NRG3: variants seen among roughly 807,000 people sequenced by gnomAD.
NRG3 encodes neuregulin 3.
A neutral mutation model predicts 66.9 loss-of-function variants in NRG3; 31 were observed. The ratio of observed to expected loss-of-function variants is 0.46; its 90% CI spans 0.35 to 0.63. The LOEUF is 0.63. NRG3 is among the 20% of genes least tolerant of loss of function. The pLI is 0.00. For missense variants in NRG3, 910 were observed against 878.9 expected (o/e 1.04, Z -0.45); for synonymous variants, 393 against 359.4 (o/e 1.09, Z -1.06).
chr10:82,360,078 A>G (rs1225328527), intron 2 of NRG3, among the ~76,000 whole-genome samples: 1 of 152,198 alleles, frequency 6.6e-6, no homozygotes, highest in Non-Finnish European at 1.5e-5. Context: ...CACCCCTGAC[A>G]TGTGGTGTTC....
rs535584673 is a variant in NRG3 at position 82,158,668 on chromosome 10, T to TA, written c.824-200070dup. ...TTTATTGTCAAATAAACTCTCCTCT[T>TA]ACACTGTTTTGAGATCATTCCTTTG... On this transcript the variant is annotated intron_variant, in intron 1 of 8. Coordinates refer to ENST00000372141, the MANE Select transcript of NRG3 (RefSeq NM_001010848.4). Among the ~76,000 whole-genome samples the TA allele has an allele frequency of 5.1e-4, 77 of 151,982 alleles. 1 individual carries two copies. In the South Asian group the frequency reaches 0.016, roughly 31 times the overall value.
intron 4 of NRG3, among the ~76,000 whole-genome samples, chr10:82,947,685 TG>T (rs1849148364): frequency 6.6e-6 from 1 of 152,148 alleles, no homozygotes; most frequent in African/African-American, 2.4e-5. Flanking sequence ...TGAACAATGT[TG>T]GGTATCTTTT....
rs542789756 is a variant in NRG3, at chr10:82,572,773, A to G, written c.954-165804A>G. On this transcript the variant is annotated intron_variant, in intron 2 of 8. Transcript: ENST00000372141. ...TCTCAGCTGAAACCAGTACTTTAGT[A>G]AGAGTGCTAGCTGCTTAACAAGTCA... Among the ~76,000 whole-genome samples, 29 of 151,916 alleles carry G rather than the reference A, an allele frequency of 1.9e-4. No homozygotes were observed. The South Asian group carries it at 5.8e-3, about 30-fold the overall frequency.
chr10:82,325,060 T>G (rs1043162514), intron 1 of NRG3, among the ~76,000 whole-genome samples: 2 of 152,198 alleles, frequency 1.3e-5, no homozygotes, highest in Non-Finnish European at 2.9e-5. Context: ...TTCTATTGAT[T>G]TTTGCTTCAT....
intron 1 of NRG3, among the ~76,000 whole-genome samples, chr10:82,210,399 A>C (rs1009330548): frequency 6.6e-6 from 1 of 152,172 alleles, no homozygotes; most frequent in African/African-American, 2.4e-5. Flanking sequence ...TTGAAATTTA[A>C]ATATAAAGCA....
intron 2 of NRG3, among the ~76,000 whole-genome samples, chr10:82,494,105 T>G (rs1334022292): frequency 6.6e-6 from 1 of 152,148 alleles, no homozygotes; most frequent in Admixed American, 6.5e-5. Flanking sequence ...GCTGGCAAAG[T>G]TGCAGAGAAA....
chr10:81,955,058 T>G (rs1449899825), intron 1 of NRG3, among the ~76,000 whole-genome samples: 1 of 151,292 alleles, frequency 6.6e-6, no homozygotes, highest in Admixed American at 6.6e-5. Flanking sequence ...TTACATTATA[T>G]ATATATGTAG....
intron 2 of NRG3, among the ~76,000 whole-genome samples, chr10:82,421,263 A>G (rs2089048297): frequency 6.6e-6 from 1 of 152,108 alleles, no homozygotes. Flanking sequence ...TGGTTTTCCA[A>G]TTCATCATGC....
At chr10:81,939,164 GTAT>G (rs989631407) in intron 1 of NRG3, among the ~76,000 whole-genome samples, 3 of 151,952 alleles carry the variant, frequency 2.0e-5, no homozygotes, top group African/African-American at 2.4e-5. Flanking sequence ...CAGTTTGCTA[GTAT>G]TTTTTTAGGG....
At chr10:81,936,517 A>G (rs1447444715) in intron 1 of NRG3, among the ~76,000 whole-genome samples, 1 of 151,632 alleles carries the variant, frequency 6.6e-6, no homozygotes, top group African/African-American at 2.4e-5. Context: ...CAGGAAGTAG[A>G]CAGTGTAAGT....
At chr10:82,159,809 A>T (rs1359038022) in intron 1 of NRG3, among the ~76,000 whole-genome samples, 1 of 151,894 alleles carries the variant, frequency 6.6e-6, no homozygotes, top group Non-Finnish European at 1.5e-5. Context: ...AAATACAAAT[A>T]AGAAGAAGTC....
chr10:82,697,246 A>G (rs892809373), intron 2 of NRG3, among the ~76,000 whole-genome samples: 3 of 152,218 alleles, frequency 2.0e-5, no homozygotes, highest in Non-Finnish European at 4.4e-5. Flanking sequence ...CATGATTGAA[A>G]TTGTTGGATG....
At chr10:82,912,615 C>T (rs1482402334) in intron 4 of NRG3, among the ~76,000 whole-genome samples, 6 of 152,022 alleles carry the variant, frequency 3.9e-5, no homozygotes, top group African/African-American at 9.7e-5. Flanking sequence ...TCGACAATTG[C>T]TTTTAATTGG....
intron 1 of NRG3, among the ~76,000 whole-genome samples, chr10:82,194,505 T>C (rs1273487490): frequency 6.6e-6 from 1 of 151,966 alleles, no homozygotes; most frequent in Non-Finnish European, 1.5e-5. Context: ...TCCTCTGTAA[T>C]GGGAGAGAAG....
intron 1 of NRG3, among the ~76,000 whole-genome samples, chr10:82,084,872 G>A (rs1032577665): frequency 2.0e-4 from 30 of 152,114 alleles, no homozygotes; most frequent in Non-Finnish European, 2.9e-4. Context: ...TCAGGTAGCA[G>A]TTCTTCTCTA....
chr10:82,136,366 T>C (rs1193601344), intron 1 of NRG3, among the ~76,000 whole-genome samples: 1 of 152,106 alleles, frequency 6.6e-6, no homozygotes, highest in African/African-American at 2.4e-5. Flanking sequence ...GCCCAAGGGC[T>C]CTTCATTCAG....
chr10:82,155,633 GC>G (rs1041643243), intron 1 of NRG3, among the ~76,000 whole-genome samples: 2 of 151,754 alleles, frequency 1.3e-5, no homozygotes, highest in Non-Finnish European at 1.5e-5. Flanking sequence ...GTAGAGTGAA[GC>G]ACATATAATC....
At chr10:82,961,812 G>A (rs1850671415) in intron 6 of NRG3, among the ~76,000 whole-genome samples, 1 of 152,140 alleles carries the variant, frequency 6.6e-6, no homozygotes, top group Non-Finnish European at 1.5e-5. Flanking sequence ...CCATCACCAA[G>A]CTTCCCACCG....
chr10:82,535,477 G>A (rs148787641), intron 2 of NRG3, among the ~76,000 whole-genome samples: 1 of 152,146 alleles, frequency 6.6e-6, no homozygotes. Flanking sequence ...ACATAAATCA[G>A]AATTTTCTAT....
Sources: gnomAD v4.1 joint callset for allele counts (sites outside exome capture counted in the v4.1 genomes callset) on GRCh38, gnomAD v4.1.1 for gene constraint, MANE v1.5 for transcripts, NCBI Gene and HGNC (gene_info 2026-07-23, HGNC 2026-07-21) for gene names.